The following ZNF532 variants were observed in gnomAD, a reference collection of about 807,000 sequenced individuals.
ZNF532 encodes the protein zinc finger protein 532.
Under a neutral mutation model 89.3 loss-of-function variants are expected in ZNF532, and 22 were observed. That is an observed-to-expected ratio of 0.25 (90% confidence interval 0.18 to 0.35). ZNF532 has a LOEUF of 0.35. ZNF532 is among the 10% of genes least tolerant of loss of function. ZNF532 has a pLI of 1.00. For synonymous variants in ZNF532, 606 were observed against 649.6 expected, an observed-to-expected ratio of 0.93 and a Z score of 1.02; for missense variants, 1,132 against 1,643.4, an observed-to-expected ratio of 0.69 and a Z score of 5.38.
intron 8 of ZNF532, chr18:58,979,771 T>A (rs1380648134): frequency 7.2e-5 from 11 of 152,424 alleles, no homozygotes; most frequent in Non-Finnish European, 1.2e-4. Context: ...GCGAGGTGAT[T>A]TGGCTAGCTT....
intron 6 of ZNF532, among the ~76,000 whole-genome samples, chr18:58,948,775 T>C (rs1020351774): frequency 9.9e-5 from 15 of 152,238 alleles, no homozygotes; most frequent in African/African-American, 2.9e-4. Flanking sequence ...CAGGCTGATC[T>C]TGAACTCCTG....
At chr18:58,875,363 G>A (rs947002158) in intron 2 of ZNF532, among the ~76,000 whole-genome samples, 5 of 152,100 alleles carry the variant, frequency 3.3e-5, no homozygotes, top group Non-Finnish European at 7.4e-5. Context: ...AACTAGATAT[G>A]TGGCTTTTGT....
At chr18:58,979,397 T>C (rs1264804026) in intron 8 of ZNF532, 4 of 269,580 alleles carry the variant, frequency 1.5e-5, no homozygotes, top group Non-Finnish European at 2.8e-5. Flanking sequence ...TGTGTGTTTT[T>C]TTTTTCCCGA....
intron 2 of ZNF532, among the ~76,000 whole-genome samples, chr18:58,906,521 C>T (rs368869662): frequency 9.2e-5 from 14 of 152,078 alleles, no homozygotes; most frequent in African/African-American, 2.9e-4. Context: ...ATTCCTAGAT[C>T]GGTCATTTCT....
At chr18:58,963,635 GT>G (rs1663816635) in intron 7 of ZNF532, among the ~76,000 whole-genome samples, 1 of 125,052 alleles carries the variant, frequency 8.0e-6, no homozygotes, top group African/African-American at 2.8e-5. Context: ...GTGTGTGTGT[GT>G]GTGTGTGTGT....
At chr18:58,946,408 T>G (rs576787443) in intron 5 of ZNF532, among the ~76,000 whole-genome samples, 1 of 151,298 alleles carries the variant, frequency 6.6e-6, no homozygotes, top group African/African-American at 2.4e-5. Flanking sequence ...TTCTTGTGCC[T>G]CAGCCACCTG....
chr18:58,867,608 C>T (rs1568197644), intron 2 of ZNF532, among the ~76,000 whole-genome samples: 1 of 152,138 alleles, frequency 6.6e-6, no homozygotes, highest in East Asian at 1.9e-4. Flanking sequence ...GCCTGCAGTT[C>T]CTGTCACCGT....
At chr18:58,944,930 T>C (rs997172186) in intron 5 of ZNF532, among the ~76,000 whole-genome samples, 3 of 152,202 alleles carry the variant, frequency 2.0e-5, no homozygotes, top group African/African-American at 7.2e-5. Flanking sequence ...GTAAATGCTT[T>C]GGTGTGTTCT....
At chr18:58,884,497 G>A (rs1407011817) in intron 2 of ZNF532, among the ~76,000 whole-genome samples, 2 of 152,242 alleles carry the variant, frequency 1.3e-5, no homozygotes, top group African/African-American at 4.8e-5. Context: ...GCACAAAAAT[G>A]TGGAAGGCTT....
At position 58,873,241 on chromosome 18, in the gene ZNF532, CAA is replaced by C. The variant is rs544498811; in HGVS notation, c.-18+7664_-18+7665del. 5.3e-3 allele frequency among the ~76,000 whole-genome samples: 804 copies of C among 152,202 alleles called. 4 individuals are homozygous for C. The highest frequency in any genetic ancestry group is 0.018 in the African/African-American group (761 of 41,528). ...CTCTCTATGTTGCCCAGGCTGGTCT[CAA>C]ACACCTGTGCTCAAGTGATCTGCCT... On this transcript the variant is annotated intron_variant, in intron 2 of 9. Transcript: ENST00000591808.
At chr18:58,873,570 T>A (rs953576954) in intron 2 of ZNF532, among the ~76,000 whole-genome samples, 16 of 152,248 alleles carry the variant, frequency 1.1e-4, no homozygotes, top group Admixed American at 1.0e-3. Flanking sequence ...TGCCTCAGCC[T>A]CCCAAATAGC....
intron 2 of ZNF532, among the ~76,000 whole-genome samples, chr18:58,913,527 G>A (rs745700414): frequency 6.6e-6 from 1 of 152,044 alleles, no homozygotes; most frequent in African/African-American, 2.4e-5. Context: ...GAGGCAGGAG[G>A]ATTGTTTGAG....
intron 6 of ZNF532, among the ~76,000 whole-genome samples, chr18:58,952,922 G>T (rs1028009250): frequency 3.9e-5 from 6 of 152,180 alleles, no homozygotes; most frequent in African/African-American, 1.4e-4. Flanking sequence ...CTCAAGCCTG[G>T]CTGCCATCAG....
intron 2 of ZNF532, among the ~76,000 whole-genome samples, chr18:58,910,697 A>C (rs1213179290): frequency 6.6e-6 from 1 of 151,532 alleles, no homozygotes; most frequent in Non-Finnish European, 1.5e-5. Flanking sequence ...CTGGTCTCAA[A>C]CTCCTGGTCT....
chr18:58,940,923 T>TACACACACACACACAC (rs200614911), intron 5 of ZNF532, among the ~76,000 whole-genome samples: 5,372 of 118,422 alleles, frequency 0.045, 210 homozygotes, highest in Middle Eastern at 0.072. Flanking sequence ...TGCCATATTT[T>TACACACACACACACAC]ACACACACAC....
In ZNF532 at chr18:58,964,318, A is replaced by G. The variant is rs545038577; in HGVS notation, c.3150+10519A>G. ...GGCTTAGAACTTATTTGTGATCTCA[A>G]GGTTTTAGGAGAAATATCTTTAAAT... On this transcript the variant is annotated intron_variant, in intron 7 of 9. Transcript: ENST00000591808. 4 of 152,254 alleles carry G rather than the reference A, an allele frequency of 2.6e-5. No homozygotes were observed. The South Asian group carries it at 6.2e-4, about 24-fold the overall frequency. 9.4% of individuals were successfully genotyped at this position (152,254 alleles called of 1,614,324 possible). A position where few individuals can be genotyped will look rare whatever the true frequency, so the allele number is the denominator to read the frequency against.
intron 2 of ZNF532, among the ~76,000 whole-genome samples, chr18:58,891,008 A>G (rs2058858976): frequency 6.6e-6 from 1 of 151,624 alleles, no homozygotes; most frequent in Non-Finnish European, 1.5e-5. Flanking sequence ...GTATCGGGCT[A>G]ACTGGGTTCA....
At chr18:58,955,127 C>T (rs2064636932) in intron 7 of ZNF532, among the ~76,000 whole-genome samples, 1 of 152,140 alleles carries the variant, frequency 6.6e-6, no homozygotes, top group South Asian at 2.1e-4. Context: ...CATGGTGGCT[C>T]ATGCCTATAA....
chr18:58,886,939 T>C (rs2058345631), intron 2 of ZNF532, among the ~76,000 whole-genome samples: 1 of 152,206 alleles, frequency 6.6e-6, no homozygotes, highest in Non-Finnish European at 1.5e-5. Context: ...TCTCCTTAGT[T>C]GGAGATGTTC....
Sources: gnomAD v4.1 joint callset for allele counts (sites outside exome capture counted in the v4.1 genomes callset) on GRCh38, gnomAD v4.1.1 for gene constraint, MANE v1.5 for transcripts, NCBI Gene and HGNC (gene_info 2026-07-23, HGNC 2026-07-21) for gene names.